Variants in KDM4C observed in about 807,000 individuals in gnomAD.
KDM4C encodes lysine demethylase 4C.
A neutral mutation model predicts 129.3 loss-of-function variants in KDM4C; 81 were observed. That is an observed-to-expected ratio of 0.63 (90% CI 0.52 to 0.75). The LOEUF (loss-of-function observed/expected upper bound fraction) is 0.75. KDM4C is among the 30% of genes least tolerant of loss of function. The pLI is 0.00. For synonymous variants in KDM4C, 573 were observed against 456.1 expected, an observed-to-expected ratio of 1.26 and a Z score of -3.26; for missense variants, 1,457 against 1,304.0, an observed-to-expected ratio of 1.12 and a Z score of -1.81.
At chr9:6,777,749 G>A (rs1340168463) in intron 1 of KDM4C, among the ~76,000 whole-genome samples, 2 of 151,622 alleles carry the variant, frequency 1.3e-5, no homozygotes, top group African/African-American at 4.8e-5. Context: ...CTAATCAAAT[G>A]TAACATTCTT....
chr9:6,733,008 G>A (rs577199297), intron 1 of KDM4C, among the ~76,000 whole-genome samples: 2 of 151,320 alleles, frequency 1.3e-5, no homozygotes, highest in South Asian at 2.1e-4. Context: ...GCAAGACTCC[G>A]TCTCAAAAAA....
At chr9:7,028,272 T>C (rs1826129375) in intron 15 of KDM4C, among the ~76,000 whole-genome samples, 1 of 151,926 alleles carries the variant, frequency 6.6e-6, no homozygotes, top group Admixed American at 6.6e-5. Context: ...CTGCTGGTTA[T>C]TCAGGGCTCA....
chr9:7,034,207 T>A (rs568209213), intron 15 of KDM4C, among the ~76,000 whole-genome samples: 1 of 152,326 alleles, frequency 6.6e-6, no homozygotes, highest in East Asian at 1.9e-4. Context: ...TTTCTTGATG[T>A]TGGGAACATG....
At chr9:6,839,531 C>T (rs1338244208) in intron 4 of KDM4C, among the ~76,000 whole-genome samples, 4 of 151,812 alleles carry the variant, frequency 2.6e-5, no homozygotes, top group Admixed American at 1.3e-4. Context: ...TGAGCCACCA[C>T]GCCTGGCCAA....
In KDM4C at chr9:6,888,016, T is replaced by C. The variant is rs771709769; in HGVS notation, c.736T>C (p.Leu246=). ...TGCATTTCTTCGCCACAAGATGACATTGATTTCTCCATCAGTATTGAAGAA... is the reference window on the plus strand; with the variant it reads ...TGCATTTCTTCGCCACAAGATGACACTGATTTCTCCATCAGTATTGAAGAA... The part of the protein sequence containing the change: ...CDAFLRHKMT[L]ISPSVLKKYG... Residue 246 remains leucine (L), a synonymous_variant, in exon 7 of 22, where the codon TTG becomes CTG. Coordinates refer to ENST00000381309, the MANE Select transcript of KDM4C (RefSeq NM_015061.6). The C allele has an allele frequency of 2.5e-6, 4 of 1,611,346 alleles. No homozygotes were observed. The highest frequency in any genetic ancestry group is 1.7e-5 in the Admixed American group (1 of 59,838).
chr9:6,812,671 C>G (rs1024447657), intron 3 of KDM4C, among the ~76,000 whole-genome samples: 2 of 152,126 alleles, frequency 1.3e-5, no homozygotes, highest in African/African-American at 2.4e-5. Flanking sequence ...CCTATGCATC[C>G]CTGTTCCTAA....
chr9:7,051,422 A>G (rs150395267), intron 17 of KDM4C, among the ~76,000 whole-genome samples: 6 of 152,282 alleles, frequency 3.9e-5, no homozygotes, highest in Non-Finnish European at 4.4e-5. Context: ...GGCTTTGAAT[A>G]ATACAATTTA....
At chr9:7,137,723 A>G (rs1210162125) in intron 19 of KDM4C, among the ~76,000 whole-genome samples, 2 of 152,250 alleles carry the variant, frequency 1.3e-5, no homozygotes, top group Non-Finnish European at 2.9e-5. Flanking sequence ...CGAGTTGTCA[A>G]CAGGGAGCTG....
At chr9:7,048,364 C>T (rs185692868) in intron 16 of KDM4C, among the ~76,000 whole-genome samples, 3 of 152,150 alleles carry the variant, frequency 2.0e-5, no homozygotes, top group Admixed American at 2.0e-4. Flanking sequence ...TATGCTTTGG[C>T]TTAAAAATAG....
intron 15 of KDM4C, among the ~76,000 whole-genome samples, chr9:7,033,566 G>A (rs966426108): frequency 1.3e-5 from 2 of 152,198 alleles, no homozygotes; most frequent in African/African-American, 4.8e-5. Context: ...CTATGATGTG[G>A]AAGCCGTCCT....
chr9:6,804,902 CTTT>C (rs995164771), intron 2 of KDM4C, among the ~76,000 whole-genome samples: 3 of 151,778 alleles, frequency 2.0e-5, no homozygotes, highest in Non-Finnish European at 2.9e-5. Flanking sequence ...ATAATTTCGT[CTTT>C]TTTTGTTTTT....
At chr9:6,827,664 A>G (rs1257664832) in intron 4 of KDM4C, among the ~76,000 whole-genome samples, 5 of 152,182 alleles carry the variant, frequency 3.3e-5, no homozygotes, top group African/African-American at 1.2e-4. Context: ...TCATGTCAGG[A>G]TATCATTTAC....
chr9:7,007,546 T>G (rs1804920361), intron 12 of KDM4C, among the ~76,000 whole-genome samples: 1 of 152,230 alleles, frequency 6.6e-6, no homozygotes, highest in African/African-American at 2.4e-5. Context: ...ATGAAGTTAC[T>G]GCTTGGCTTT....
intron 4 of KDM4C, among the ~76,000 whole-genome samples, chr9:6,844,478 ATGT>A (rs907155626): frequency 2.0e-5 from 3 of 152,202 alleles, no homozygotes; most frequent in Non-Finnish European, 4.4e-5. Context: ...TTCCTTTAAT[ATGT>A]TGTCCCACAC....
At chr9:6,728,755 A>G (rs1361503014) in intron 1 of KDM4C, among the ~76,000 whole-genome samples, 3 of 151,492 alleles carry the variant, frequency 2.0e-5, no homozygotes, top group Non-Finnish European at 4.4e-5. Flanking sequence ...CTGAGGCAGG[A>G]GAATCGCCTG....
chr9:7,016,177 G>A (rs1378555358), intron 15 of KDM4C, among the ~76,000 whole-genome samples: 1 of 150,122 alleles, frequency 6.7e-6, no homozygotes, highest in Admixed American at 6.7e-5. Context: ...GCCCAGGCTA[G>A]AGTGCAGTGG....
At chr9:6,941,509 A>T (rs940253183) in intron 8 of KDM4C, 1 of 152,222 alleles carries the variant, frequency 6.6e-6, no homozygotes, top group Non-Finnish European at 1.5e-5. Flanking sequence ...AGAATAATGA[A>T]GCATAACAAC....
intron 21 of KDM4C, chr9:7,170,706 A>AT (rs1232181495): frequency 4.1e-6 from 4 of 976,950 alleles, no homozygotes; most frequent in African/African-American, 1.8e-5. Flanking sequence ...CTAAAATGAA[A>AT]TTTTTTTTCT....
At chr9:7,076,242 C>A (rs1434320308) in intron 17 of KDM4C, among the ~76,000 whole-genome samples, 1 of 152,118 alleles carries the variant, frequency 6.6e-6, no homozygotes, top group Non-Finnish European at 1.5e-5. Flanking sequence ...TAATTTCAAA[C>A]CATTTTTACT....
Sources: gnomAD v4.1 joint callset for allele counts (sites outside exome capture counted in the v4.1 genomes callset) on GRCh38, gnomAD v4.1.1 for gene constraint, MANE v1.5 for transcripts, NCBI Gene and HGNC (gene_info 2026-07-23, HGNC 2026-07-21) for gene names.